The following ANK2 variants were observed in gnomAD, a reference collection of about 807,000 sequenced individuals.
ANK2 encodes ankyrin 2, also known as ankyrin-2.
ANK2 carries 83 observed loss-of-function variants against 360.5 expected under a neutral mutation model. That is an observed-to-expected ratio of 0.23 (90% confidence interval 0.19 to 0.28). ANK2 has a LOEUF of 0.28. ANK2 is among the 10% of genes least tolerant of loss of function. ANK2 has a pLI of 1.00. For missense variants in ANK2, 4,201 were observed against 4,795.7 expected, an observed-to-expected ratio of 0.88 and a Z score of 3.66; for synonymous variants, 1,740 against 1,759.5, an observed-to-expected ratio of 0.99 and a Z score of 0.28.
chr4:112,741,627 C>G, the ANK2 span, among the ~76,000 whole-genome samples: 1 of 152,104 alleles, frequency 6.6e-6, no homozygotes, highest in Non-Finnish European at 1.5e-5. Flanking sequence ...GTTTGTTTTT[C>G]TTTCCACTTG....
chr4:113,287,948 G>A (rs1031136288), intron 19 of ANK2, among the ~76,000 whole-genome samples: 2 of 152,194 alleles, frequency 1.3e-5, no homozygotes, highest in African/African-American at 4.8e-5. Flanking sequence ...GCAGCCTTAA[G>A]TCTATCCTCT....
intron 2 of ANK2, among the ~76,000 whole-genome samples, chr4:113,026,144 A>G (rs113263907): frequency 4.6e-5 from 7 of 152,266 alleles, no homozygotes; most frequent in South Asian, 2.1e-4. Flanking sequence ...GACACTTGGG[A>G]CCTGCTATGT....
chr4:113,192,562 G>A (rs971646996), intron 2 of ANK2, among the ~76,000 whole-genome samples: 1 of 152,092 alleles, frequency 6.6e-6, no homozygotes, highest in Non-Finnish European at 1.5e-5. Context: ...AAATAAAAAA[G>A]CATGGGTCTG....
chr4:113,323,829 T>C, intron 26 of ANK2: 1 of 1,595,342 alleles, frequency 6.3e-7, no homozygotes, highest in Non-Finnish European at 8.6e-7. Flanking sequence ...CTGAACATGT[T>C]GCCTATTCCT....
chr4:113,315,771 C>T (rs969866837), intron 24 of ANK2, among the ~76,000 whole-genome samples: 18 of 151,692 alleles, frequency 1.2e-4, no homozygotes, highest in Non-Finnish European at 2.5e-4. Context: ...TGGTGGCAGG[C>T]GCCTGTAGTC....
intron 1 of ANK2, among the ~76,000 whole-genome samples, chr4:113,102,797 G>A (rs763056761): frequency 2.0e-5 from 3 of 152,024 alleles, no homozygotes; most frequent in African/African-American, 2.4e-5. Context: ...ATACCTAGAC[G>A]GAACTGAATT....
chr4:113,246,883 A>G (rs2043170518), intron 9 of ANK2, among the ~76,000 whole-genome samples: 1 of 152,190 alleles, frequency 6.6e-6, no homozygotes, highest in Non-Finnish European at 1.5e-5. Flanking sequence ...GGAGGTCTTC[A>G]TTTGAGAAAT....
the ANK2 span, among the ~76,000 whole-genome samples, chr4:112,714,751 G>A: frequency 5.3e-5 from 8 of 152,224 alleles, no homozygotes; most frequent in African/African-American, 1.7e-4. Context: ...GGGACTTTAA[G>A]CTTCATTCAC....
chr4:113,025,855 C>CTA (rs1330222336), intron 2 of ANK2, among the ~76,000 whole-genome samples: 1 of 152,152 alleles, frequency 6.6e-6, no homozygotes, highest in Non-Finnish European at 1.5e-5. Flanking sequence ...GGAATGGCTG[C>CTA]TATACCTGAT....
intron 10 of ANK2, among the ~76,000 whole-genome samples, chr4:113,253,304 C>T (rs1222655539): frequency 1.3e-5 from 2 of 152,180 alleles, no homozygotes; most frequent in South Asian, 2.1e-4. Context: ...AATGTTAGAA[C>T]CTCCAGAGCT....
intron 33 of ANK2, 85 bp downstream of exon 33, chr4:113,342,001 A>C: frequency 8.0e-7 from 1 of 1,251,330 alleles, no homozygotes; most frequent in Non-Finnish European, 1.1e-6. Flanking sequence ...TCATTTAATA[A>C]ATAGAATAAT....
chr4:113,104,014 G>C (rs1315021452), intron 1 of ANK2, among the ~76,000 whole-genome samples: 2 of 152,090 alleles, frequency 1.3e-5, no homozygotes, highest in East Asian at 3.9e-4. Context: ...AAAATACCAA[G>C]GGTCTCGGAA....
At position 113,341,805 on chromosome 4, in the gene ANK2, T is replaced by A. The variant is rs1386325913; in HGVS notation, c.4011T>A (p.His1337Gln). The A allele has an allele frequency of 6.2e-7, 1 of 1,614,142 alleles. No homozygotes were observed. The highest frequency in any genetic ancestry group is 1.1e-5 in the South Asian group (1 of 91,078). Residue 1337 changes from histidine to glutamine, a missense_variant, in exon 33 of 46, where the codon CAT becomes CAA. Transcript: ENST00000357077. ...MAKFVVFAKSHDPIEARLRCF... is the reference protein window; with the variant it reads ...MAKFVVFAKSQDPIEARLRCF... ...AATTTGTAGTGTTTGCCAAATCACA[T>A]GACCCCATTGAAGCCAGGTTGAGGT... is the stretch of plus-strand genomic sequence containing the variant.
intron 1 of ANK2, among the ~76,000 whole-genome samples, chr4:113,160,572 C>T (rs1484552237): frequency 6.6e-6 from 1 of 152,162 alleles, no homozygotes; most frequent in Non-Finnish European, 1.5e-5. Context: ...TGGCCAATTT[C>T]ACCCTGTTGA....
the ANK2 span, among the ~76,000 whole-genome samples, chr4:112,774,897 C>G: frequency 6.6e-6 from 1 of 152,210 alleles, no homozygotes; most frequent in Non-Finnish European, 1.5e-5. Flanking sequence ...AAGACTGATG[C>G]TTTGAAAAAT....
At chr4:112,763,201 A>G in the ANK2 span, among the ~76,000 whole-genome samples, 1 of 151,254 alleles carries the variant, frequency 6.6e-6, no homozygotes, top group African/African-American at 2.4e-5. Context: ...CTGGGACTAC[A>G]GGCATTAGCC....
At chr4:113,151,259 T>C (rs965186029) in intron 1 of ANK2, 11 of 667,366 alleles carry the variant, frequency 1.6e-5, no homozygotes, top group Admixed American at 7.2e-5. Flanking sequence ...CGTAGTTCAT[T>C]TGTGTAGCTA....
intron 1 of ANK2, among the ~76,000 whole-genome samples, chr4:112,830,658 C>A (rs1397140503): frequency 6.6e-6 from 1 of 152,086 alleles, no homozygotes; most frequent in East Asian, 1.9e-4. Flanking sequence ...TGCTAACAGC[C>A]CTTGCTCGCT....
At chr4:113,087,158 G>C (rs2085254285) in intron 1 of ANK2, among the ~76,000 whole-genome samples, 1 of 152,220 alleles carries the variant, frequency 6.6e-6, no homozygotes, top group African/African-American at 2.4e-5. Flanking sequence ...TCAGTGAGAT[G>C]ATGATGCCGA....
Sources: gnomAD v4.1 joint callset for allele counts (sites outside exome capture counted in the v4.1 genomes callset) on GRCh38, gnomAD v4.1.1 for gene constraint, MANE v1.5 for transcripts, NCBI Gene and HGNC (gene_info 2026-07-23, HGNC 2026-07-21) for gene names.